The following COPB2 variants were observed in gnomAD, a reference collection of about 807,000 sequenced individuals.
COPB2 encodes coatomer subunit beta'.
A neutral mutation model predicts 120.8 loss-of-function variants in COPB2; 16 were observed. That is an observed-to-expected ratio of 0.13 (90% CI 0.09 to 0.20). The LOEUF (loss-of-function observed/expected upper bound fraction) is 0.20, where lower values mean the gene tolerates loss of function less well. Ranked by LOEUF, COPB2 falls within the 10% of genes least tolerant of loss-of-function variation. The pLI is 1.00. For missense variants in COPB2, 794 were observed against 1,076.5 expected (o/e 0.74, Z 3.67); for synonymous variants, 332 against 366.3 (o/e 0.91, Z 1.07).
chr3:139,362,487 T>A lies in COPB2; in HGVS notation c.1915A>T (p.Thr639Ser). The change falls in exon 16 of 22, where the codon ACA (threonine) becomes TCA (serine). Residue 639 changes from threonine (T) to serine (S), a missense_variant. Transcript: ENST00000333188. Reference protein sequence around the residue: ...GFKQQALTVSTDPEHRFELAL... With the variant: ...GFKQQALTVSSDPEHRFELAL... The stretch of plus-strand genomic sequence containing the variant: ...AGCTCAAAACGATGCTCAGGATCTG[T>A]GGATACTGTAAGAGCTTGCTGCTTG... 1 of 1,612,216 alleles carries A rather than the reference T, an allele frequency of 6.2e-7. No homozygotes were observed.
Position 139,362,525 on chromosome 3 carries a change from G to A in COPB2, c.1885-8C>T, listed in dbSNP as rs947082655. 4.4e-6 allele frequency: 7 copies of A among 1,576,252 alleles called. No individual in the cohort carries two copies. The highest frequency in any genetic ancestry group is 6.0e-6 in the Non-Finnish European group (7 of 1,163,580). ...AGCTTGCTGCTTGAAGCCCTAAACA[G>A]ATTTTTAAAAATTATATATATTTAT... On this transcript the variant is annotated splice_polypyrimidine_tract_variant and splice_region_variant and intron_variant, in intron 15 of 21. Coordinates refer to ENST00000333188, the MANE Select transcript of COPB2 (RefSeq NM_004766.3).
chr3:139,372,400 G>A (rs548559527), intron 9 of COPB2, among the ~76,000 whole-genome samples: 1 of 152,258 alleles, frequency 6.6e-6, no homozygotes, highest in African/African-American at 2.4e-5. Context: ...ATGGACATAA[G>A]ACAACTATCT....
chr3:139,359,218 ATG>A (rs1941362323), intron 18 of COPB2, 40 bp from the exon 19 acceptor site: 5 of 1,610,982 alleles, frequency 3.1e-6, no homozygotes, highest in Non-Finnish European at 4.2e-6. Flanking sequence ...GACTAAGTAA[ATG>A]TGCTCTCTTT....
At chr3:139,387,782 A>G (rs2107812728) in intron 1 of COPB2, among the ~76,000 whole-genome samples, 1 of 152,292 alleles carries the variant, frequency 6.6e-6, no homozygotes, top group South Asian at 2.1e-4. Context: ...AATTTACTTA[A>G]CCTCTTTCAA....
In COPB2 at chr3:139,377,826, A is replaced by G. The variant is rs1377415169; in HGVS notation, c.504+215T>C. 2.6e-5 allele frequency among the ~76,000 whole-genome samples: 4 copies of G among 152,342 alleles called. 1 individual carries two copies. The South Asian group carries it at 8.3e-4, about 32-fold the overall frequency. ...TTATAACATGCTGCCTCCACACAGA[A>G]AAACGCTCCTCATTAAGAGCACTGA... On this transcript the variant is annotated intron_variant, in intron 5 of 21. Transcript: ENST00000333188.
At chr3:139,374,228 C>T in intron 7 of COPB2, 1 of 465,166 alleles carries the variant, frequency 2.1e-6, no homozygotes, top group Non-Finnish European at 3.8e-6. Flanking sequence ...CATGCTTTTT[C>T]AGTTTCTCTT....
At chr3:139,359,428 A>C in intron 17 of COPB2, 66 bp from the exon 18 acceptor site, 1 of 1,472,748 alleles carries the variant, frequency 6.8e-7, no homozygotes, top group South Asian at 1.2e-5. Context: ...TACTTAACAC[A>C]AAGTAAATTT....
At chr3:139,379,240 C>G in intron 3 of COPB2, 67 bp from the exon 4 acceptor site, 1 of 1,553,270 alleles carries the variant, frequency 6.4e-7, no homozygotes, top group Non-Finnish European at 8.7e-7. Context: ...AACTATATCA[C>G]AGGCTCAAGG....
chr3:139,363,555 T>A (rs552367803), intron 15 of COPB2, among the ~76,000 whole-genome samples: 1 of 152,176 alleles, frequency 6.6e-6, no homozygotes, highest in Non-Finnish European at 1.5e-5. Flanking sequence ...AAATCAACTA[T>A]TGTAATTATT....
At chr3:139,380,740 C>G (rs1941795143) in intron 2 of COPB2, 1 of 152,168 alleles carries the variant, frequency 6.6e-6, no homozygotes, top group Non-Finnish European at 1.5e-5. Context: ...TTCAAAGATT[C>G]TTTAGACAAA....
In COPB2 at chr3:139,373,804, T is replaced by A; in HGVS notation, c.756A>T (p.Thr252=). 6.2e-7 allele frequency: 1 copy of A among 1,614,006 alleles called. No individual in the cohort carries two copies. ...AGGTGCTTGAATGCCAAATACGTAC[T>A]GTTCCTAAAAAGAACAATGTAAATA... ...PIIITGSEDG[T]VRIWHSSTYR... The change falls in exon 8 of 22, where the codon ACA becomes ACT. Residue 252 remains threonine, a synonymous_variant. Coordinates refer to ENST00000333188, the MANE Select transcript of COPB2 (RefSeq NM_004766.3).
At chr3:139,359,706 T>G (rs1205527701) in intron 17 of COPB2, among the ~76,000 whole-genome samples, 4 of 152,136 alleles carry the variant, frequency 2.6e-5, no homozygotes, top group African/African-American at 9.7e-5. Context: ...GACAAATATC[T>G]AGGGCAGTGT....
rs766225697 is a variant in COPB2, at chr3:139,358,698, A to T, written c.2553+46T>A. The T allele has an allele frequency of 1.4e-5, 18 of 1,321,512 alleles. 1 individual carries two copies. In the South Asian group the frequency reaches 2.2e-4, roughly 16 times the overall value. The allele number at this position is 1,321,512 out of a possible 1,614,324, so 81.9% of individuals were successfully genotyped here. A position where few individuals can be genotyped will look rare whatever the true frequency, so the allele number is the denominator to read the frequency against. ...TCTGTCTCAAAAGAAAAAAAAAAAA[A>T]GTGAACCATCTCAGCCAAATTTATC... On this transcript the variant is annotated intron_variant, in intron 20 of 21. Coordinates refer to ENST00000333188, the MANE Select transcript of COPB2 (RefSeq NM_004766.3).
rs973115859 is a variant in COPB2 at position 139,357,611 on chromosome 3, A to AGAT, written c.*249_*251dup. On this transcript the variant is annotated 3_prime_UTR_variant, in exon 22 of 22. Coordinates refer to ENST00000333188, the MANE Select transcript of COPB2 (RefSeq NM_004766.3). Reference sequence around the variant, plus strand: ...CTTCATTAATTCAAAAGGTTTTATGAGATATGGTCTAATAGTATGAAAAAA... The same window carrying AGAT: ...CTTCATTAATTCAAAAGGTTTTATGAGATGATATGGTCTAATAGTATGAAAAAA... The AGAT allele has an allele frequency of 7.8e-5, 25 of 322,528 alleles. No individual in the cohort carries two copies. The highest frequency in any genetic ancestry group is 4.3e-4 in the African/African-American group (20 of 47,016). The allele number at this position is 322,528 out of a possible 1,614,324, so 20.0% of individuals were successfully genotyped here.
chr3:139,383,188 A>G (rs544670255), intron 2 of COPB2, 110 bp downstream of exon 2: 1 of 1,253,182 alleles, frequency 8.0e-7, no homozygotes. Context: ...CAACTTGAGA[A>G]AGCAGTTTGC....
At chr3:139,380,544 T>C (rs1191883355) in intron 2 of COPB2, 2 of 152,222 alleles carry the variant, frequency 1.3e-5, no homozygotes, top group African/African-American at 2.4e-5. Context: ...TTCTCCTTCT[T>C]TGATGCCTGT....
Position 139,373,661 on chromosome 3 carries a change from A to T in COPB2, c.894+5T>A. 4.3e-6 allele frequency: 7 copies of T among 1,614,100 alleles called. No individual in the cohort carries two copies. Among genetic ancestry groups the T allele is most frequent in the African/African-American group, 2.7e-5 (2 of 75,030 alleles). On this transcript the variant is annotated splice_donor_5th_base_variant and intron_variant, in intron 8 of 21. Transcript: ENST00000333188. ...TCCACCTACTGAGAGGGATAGTATA[A>T]TTACCTTAACAATGATGCTCCCTTC...
At position 139,357,777 on chromosome 3, in the gene COPB2, T is replaced by C. The variant is rs1941318180; in HGVS notation, c.*86A>G. 3.3e-6 allele frequency: 2 copies of C among 599,294 alleles called. No homozygotes were observed. The highest frequency in any genetic ancestry group is 6.1e-5 in the South Asian group (2 of 32,628). 37.1% of individuals were successfully genotyped at this position (599,294 alleles called of 1,614,324 possible). A position where few individuals can be genotyped will look rare whatever the true frequency, so the allele number is the denominator to read the frequency against. On this transcript the variant is annotated 3_prime_UTR_variant, in exon 22 of 22. Coordinates refer to ENST00000333188, the MANE Select transcript of COPB2 (RefSeq NM_004766.3). ...ATATAAAAATCTAAGAAGTTTCTCA[T>C]AGTCCAAAGCACTGTGGTCAGGGTA...
intron 17 of COPB2, among the ~76,000 whole-genome samples, chr3:139,360,865 G>C (rs1012033152): frequency 3.9e-5 from 6 of 152,198 alleles, no homozygotes; most frequent in African/African-American, 1.4e-4. Context: ...GAGCCTCCCT[G>C]AACAGCTCAT....
Sources: gnomAD v4.1 joint callset for allele counts (sites outside exome capture counted in the v4.1 genomes callset) on GRCh38, gnomAD v4.1.1 for gene constraint, MANE v1.5 for transcripts, NCBI Gene and HGNC (gene_info 2026-07-23, HGNC 2026-07-21) for gene names.